Variants in FAT3 observed in about 807,000 individuals in gnomAD.
The protein encoded by FAT3 is FAT atypical cadherin 3, also known as protocadherin Fat 3.
FAT3 carries 95 observed loss-of-function variants against 310.2 expected under a neutral mutation model. That is an observed-to-expected ratio of 0.31 (90% CI 0.26 to 0.36). The LOEUF (loss-of-function observed/expected upper bound fraction) is 0.36. Among genes scored for constraint, FAT3 ranks in the 10% least tolerant of loss-of-function variants. The probability of loss-of-function intolerance (pLI) is 1.00; values close to 1 mark genes in which losing one functional copy is unlikely to be tolerated. For missense variants in FAT3, 5,408 were observed against 5,715.6 expected (o/e 0.95, Z 1.74); for synonymous variants, 2,314 against 2,192.9 (o/e 1.06, Z -1.54).
At chr11:92,609,542 T>C (rs182674552) in intron 3 of FAT3, among the ~76,000 whole-genome samples, 3 of 152,336 alleles carry the variant, frequency 2.0e-5, no homozygotes, top group Admixed American at 2.0e-4. Flanking sequence ...CAAAAGCTCA[T>C]TGTAGCTCAG....
At chr11:92,593,353 T>TA (rs1463577726) in intron 3 of FAT3, among the ~76,000 whole-genome samples, 1 of 152,156 alleles carries the variant, frequency 6.6e-6, no homozygotes, top group Non-Finnish European at 1.5e-5. Context: ...GGTAATTTTA[T>TA]TGAGGAATTA....
intron 2 of FAT3, among the ~76,000 whole-genome samples, chr11:92,363,624 T>C (rs1948936708): frequency 6.6e-6 from 1 of 152,218 alleles, no homozygotes; most frequent in Non-Finnish European, 1.5e-5. Context: ...ATCCCTGTCC[T>C]CATTCTTTTT....
Position 92,418,419 on chromosome 11 carries a change from A to AC in FAT3, c.3292+63023dup, listed in dbSNP as rs1208826432. Among the ~76,000 whole-genome samples, 346 of 39,512 alleles carry AC rather than the reference A, an allele frequency of 8.8e-3. 3 individuals carry two copies. Among genetic ancestry groups the AC allele is most frequent in the African/African-American group, 0.01 (141 of 13,520 alleles). The allele number at this position is 39,512 out of a possible 152,430, so 25.9% of individuals were successfully genotyped here. A position where few individuals can be genotyped will look rare whatever the true frequency, so the allele number is the denominator to read the frequency against. ...ACAAACTTCAGTGCAAAAGTTAAAC[A>AC]CCCCCCCCACCCCCCCACACACACA... On this transcript the variant is annotated intron_variant, in intron 2 of 27. Transcript: ENST00000525166.
Position 92,799,645 on chromosome 11 carries a change from C to G in FAT3, c.6632C>G (p.Thr2211Ser). The G allele has an allele frequency of 6.2e-7, 1 of 1,613,774 alleles. No homozygotes were observed. ...MNTPILSINA[T>S]SPEGQGIIYI... ...ACACCCATCCTAAGCATCAATGCCACCAGTCCAGAAGGCCAAGGCATCATA... is the reference window on the plus strand; with the variant it reads ...ACACCCATCCTAAGCATCAATGCCAGCAGTCCAGAAGGCCAAGGCATCATA... The change falls in exon 10 of 28, where the codon ACC (threonine) becomes AGC (serine). Residue 2211 changes from threonine to serine, a missense_variant. By Grantham distance (58) the Thr-to-Ser change is moderately conservative. Transcript: ENST00000525166.
At chr11:92,392,991 G>T (rs1949782873) in intron 2 of FAT3, among the ~76,000 whole-genome samples, 1 of 152,140 alleles carries the variant, frequency 6.6e-6, no homozygotes, top group Non-Finnish European at 1.5e-5. Context: ...GGGGCAGTGG[G>T]ACGGGTATGG....
intron 2 of FAT3, among the ~76,000 whole-genome samples, chr11:92,407,520 T>G (rs183385068): frequency 5.6e-4 from 85 of 152,316 alleles, no homozygotes; most frequent in African/African-American, 1.9e-3. Flanking sequence ...TTCATGCATT[T>G]ACTGTAGTTT....
intron 4 of FAT3, among the ~76,000 whole-genome samples, chr11:92,719,126 T>C (rs1944778787): frequency 6.6e-6 from 1 of 152,180 alleles, no homozygotes; most frequent in Non-Finnish European, 1.5e-5. Flanking sequence ...TCTGAATATT[T>C]TATAAAGGTA....
chr11:92,311,963 A>C (rs1482219156), intron 1 of FAT3, among the ~76,000 whole-genome samples: 2 of 152,124 alleles, frequency 1.3e-5, no homozygotes, highest in African/African-American at 2.4e-5. Flanking sequence ...TTTTATCCCA[A>C]TCATCTACAT....
chr11:92,227,373 G>T (rs1863965244), intron 1 of FAT3, among the ~76,000 whole-genome samples: 1 of 152,144 alleles, frequency 6.6e-6, no homozygotes, highest in South Asian at 2.1e-4. Flanking sequence ...ATTGTGCCCA[G>T]GCTAAGTTAA....
chr11:92,627,500 T>G (rs1162507470), intron 3 of FAT3, among the ~76,000 whole-genome samples: 1 of 152,138 alleles, frequency 6.6e-6, no homozygotes, highest in Non-Finnish European at 1.5e-5. Context: ...CTAAATCTTT[T>G]GGAATTTATA....
intron 3 of FAT3, among the ~76,000 whole-genome samples, chr11:92,682,162 T>C (rs1342607662): frequency 6.6e-6 from 1 of 152,196 alleles, no homozygotes; most frequent in Non-Finnish European, 1.5e-5. Context: ...ACGGTCTTGC[T>C]AAGATTCAAT....
intron 4 of FAT3, among the ~76,000 whole-genome samples, chr11:92,751,014 G>A (rs1945813716): frequency 6.6e-6 from 1 of 152,172 alleles, no homozygotes; most frequent in African/African-American, 2.4e-5. Context: ...AGGTGCAGCT[G>A]GCAGGATAGA....
intron 3 of FAT3, among the ~76,000 whole-genome samples, chr11:92,613,766 C>T (rs1470646384): frequency 6.6e-6 from 1 of 152,144 alleles, no homozygotes; most frequent in African/African-American, 2.4e-5. Context: ...GTGTGTTGTT[C>T]ATTTGCTTGC....
Position 92,352,639 on chromosome 11 carries a change from G to C in FAT3, c.527G>C (p.Ser176Thr). The C allele has an allele frequency of 6.2e-7, 1 of 1,613,860 alleles. No homozygotes were observed. Among genetic ancestry groups the C allele is most frequent in the Non-Finnish European group, 8.5e-7 (1 of 1,179,868 alleles). The change falls in exon 2 of 28, where the codon AGT becomes ACT. Residue 176 changes from serine (S) to threonine (T), a missense_variant. This residue lies in a region of FAT3 where 4,588 missense variants were observed against 4,809.8 expected (regional missense o/e 0.95). Coordinates refer to ENST00000525166, the MANE Select transcript of FAT3 (RefSeq NM_001367949.2). ...TIAESTPLRT[S>T]VAQVTATDAD... ...GCAGAAAGCACACCTCTAAGGACTA[G>C]TGTTGCCCAGGTGACTGCAACAGAC...
intron 2 of FAT3, among the ~76,000 whole-genome samples, chr11:92,433,441 G>A (rs1235723413): frequency 6.6e-6 from 1 of 152,204 alleles, no homozygotes; most frequent in Non-Finnish European, 1.5e-5. Flanking sequence ...GGATAGCTCT[G>A]TCCCTCATGG....
chr11:92,255,192 G>A (rs554148505), intron 1 of FAT3, among the ~76,000 whole-genome samples: 1 of 152,148 alleles, frequency 6.6e-6, no homozygotes, highest in South Asian at 2.1e-4. Flanking sequence ...TCAGACCCAA[G>A]TGGCTACCTG....
chr11:92,247,688 C>T (rs915701608), intron 1 of FAT3, among the ~76,000 whole-genome samples: 1 of 150,338 alleles, frequency 6.7e-6, no homozygotes, highest in Non-Finnish European at 1.5e-5. Context: ...GACTTCTTTG[C>T]GGAAGTCTGC....
At chr11:92,423,920 G>A (rs539051514) in intron 2 of FAT3, among the ~76,000 whole-genome samples, 1 of 152,126 alleles carries the variant, frequency 6.6e-6, no homozygotes, top group Admixed American at 6.6e-5. Flanking sequence ...TATTAATCAT[G>A]TCTAAAATAT....
intron 2 of FAT3, among the ~76,000 whole-genome samples, chr11:92,392,163 C>T (rs916262555): frequency 7.2e-5 from 11 of 152,116 alleles, no homozygotes; most frequent in Admixed American, 3.3e-4. Context: ...CATGCACGCA[C>T]GCACACACGT....
Sources: gnomAD v4.1 joint callset for allele counts (sites outside exome capture counted in the v4.1 genomes callset) on GRCh38, gnomAD v4.1.1 for gene constraint, gnomAD v4.1.1 regional missense constraint, MANE v1.5 for transcripts, NCBI Gene and HGNC (gene_info 2026-07-23, HGNC 2026-07-21) for gene names.